Variants in RGS8 observed in about 807,000 individuals in gnomAD.
RGS8 encodes regulator of G protein signaling 8, also known as regulator of G-protein signaling 8.
A neutral mutation model predicts 21.7 loss-of-function variants in RGS8; 8 were observed. That is an observed-to-expected ratio of 0.37 (90% CI 0.22 to 0.66). RGS8 has a LOEUF of 0.66. Among genes scored for constraint, RGS8 ranks in the 30% least tolerant of loss-of-function variants. The pLI is 0.59. For missense variants in RGS8, 157 were observed against 217.9 expected (o/e 0.72, Z 1.76); for synonymous variants, 80 against 83.6 (o/e 0.96, Z 0.24).
chr1:182,730,734 G>A, the RGS8 span, among the ~76,000 whole-genome samples: 821 of 151,818 alleles, frequency 5.4e-3, 12 homozygotes, highest in African/African-American at 0.019. Context: ...AAAATTTAGA[G>A]TCCTTCCAGC....
chr1:182,699,209 A>G, the RGS8 span, among the ~76,000 whole-genome samples: 1 of 152,172 alleles, frequency 6.6e-6, no homozygotes, highest in Non-Finnish European at 1.5e-5. Context: ...CCACATCACC[A>G]CAGAGGCAGG....
chr1:182,749,501 AG>A, the RGS8 span, among the ~76,000 whole-genome samples: 3 of 152,176 alleles, frequency 2.0e-5, no homozygotes, highest in African/African-American at 7.2e-5. Context: ...AGGACTTTGT[AG>A]TATACTTTGA....
At chr1:182,675,853 T>A (rs935532689), upstream of RGS8, among the ~76,000 whole-genome samples, 1 of 152,206 alleles carries the variant, frequency 6.6e-6, no homozygotes, top group African/African-American at 2.4e-5. Flanking sequence ...GCCTCTCAAC[T>A]GACTGTGTGC....
chr1:182,692,459 G>A, the RGS8 span, among the ~76,000 whole-genome samples: 1 of 151,924 alleles, frequency 6.6e-6, no homozygotes, highest in East Asian at 1.9e-4. Context: ...AAACACTACT[G>A]AAAGAAATCA....
the RGS8 span, among the ~76,000 whole-genome samples, chr1:182,692,886 C>T: frequency 6.6e-6 from 1 of 152,240 alleles, no homozygotes; most frequent in South Asian, 2.1e-4. Context: ...GGAAAGGATT[C>T]CCTATTCAGT....
rs1264934230 is a variant in RGS8 at position 182,666,988 on chromosome 1, G to A, written c.27-15C>T. The A allele has an allele frequency of 1.3e-6, 2 of 1,595,896 alleles. No individual in the cohort carries two copies. Among genetic ancestry groups the A allele is most frequent in the South Asian group, 2.2e-5 (2 of 90,748 alleles). On this transcript the variant is annotated splice_polypyrimidine_tract_variant and intron_variant, in intron 3 of 6. Transcript: ENST00000483095. The stretch of plus-strand genomic sequence containing the variant: ...TCCCTTTGTTCCTGCAACAAGCACA[G>A]GGGCAGAAGGACGGGGAAACTCTCA...
chr1:182,680,274 T>G (rs1664497471), intron 1 of RGS8, among the ~76,000 whole-genome samples: 2 of 152,216 alleles, frequency 1.3e-5, no homozygotes, highest in South Asian at 4.1e-4. Context: ...AAGGTCTGGC[T>G]ACCTTGAGAG....
At chr1:182,737,992 G>A in the RGS8 span, among the ~76,000 whole-genome samples, 1 of 152,192 alleles carries the variant, frequency 6.6e-6, no homozygotes, top group African/African-American at 2.4e-5. Flanking sequence ...AGAGAATCCA[G>A]TAAAGCCATT....
chr1:182,701,703 G>A, the RGS8 span, among the ~76,000 whole-genome samples: 1 of 152,200 alleles, frequency 6.6e-6, no homozygotes, highest in Admixed American at 6.5e-5. Flanking sequence ...AGTAGGCAGA[G>A]GCAAAGGAAT....
intron 5 of RGS8, among the ~76,000 whole-genome samples, chr1:182,653,944 C>T (rs550799410): frequency 2.0e-5 from 3 of 152,268 alleles, no homozygotes; most frequent in East Asian, 1.9e-4. Context: ...AAGATGGTAG[C>T]GCCTAGGAAA....
the RGS8 span, among the ~76,000 whole-genome samples, chr1:182,741,343 C>A: frequency 7.8e-6 from 1 of 128,338 alleles, no homozygotes; most frequent in African/African-American, 3.1e-5. Flanking sequence ...GACGGGGCGG[C>A]TGGCCGGGCG....
intron 5 of RGS8, among the ~76,000 whole-genome samples, chr1:182,657,728 C>A (rs928818014): frequency 1.3e-5 from 2 of 152,214 alleles, no homozygotes; most frequent in African/African-American, 4.8e-5. Context: ...GTCCTAATAG[C>A]ATCTGCTCCA....
chr1:182,688,303 C>G (rs76743116), upstream of RGS8, among the ~76,000 whole-genome samples: 5,494 of 152,316 alleles, frequency 0.036, 131 homozygotes, highest in Admixed American at 0.045. Flanking sequence ...CCAGTGCCCT[C>G]TGCAGTGCCT....
At chr1:182,672,996 T>A, upstream of RGS8, 1 of 756,116 alleles carries the variant, frequency 1.3e-6, no homozygotes, top group Non-Finnish European at 2.3e-6. Flanking sequence ...TCAGAAACTC[T>A]GGGGACAGTA....
chr1:182,644,722 G>A (rs537206901), downstream of RGS8: 2 of 152,352 alleles, frequency 1.3e-5, no homozygotes, highest in Non-Finnish European at 2.9e-5. Flanking sequence ...GGCAGCAGAT[G>A]CACATTTCAT....
the RGS8 span, among the ~76,000 whole-genome samples, chr1:182,717,022 T>C: frequency 1.3e-5 from 2 of 152,172 alleles, no homozygotes; most frequent in African/African-American, 4.8e-5. Flanking sequence ...GTAAAATACT[T>C]TACCCTATCC....
intron 5 of RGS8, among the ~76,000 whole-genome samples, chr1:182,648,728 C>T (rs1040036082): frequency 1.3e-5 from 2 of 151,092 alleles, no homozygotes; most frequent in Non-Finnish European, 3.0e-5. Context: ...GAGCGAGACT[C>T]CGTCTCAAAA....
chr1:182,722,932 C>T, the RGS8 span, among the ~76,000 whole-genome samples: 9 of 151,792 alleles, frequency 5.9e-5, 1 homozygote, highest in Admixed American at 3.9e-4. Flanking sequence ...GAGCCCAGAT[C>T]GCGCCACTGC....
At chr1:182,671,616 A>C (rs1262343513) in intron 2 of RGS8, 41 bp downstream of exon 3, 1 of 1,556,904 alleles carries the variant, frequency 6.4e-7, no homozygotes, top group Non-Finnish European at 8.9e-7. Context: ...GTGCACACAG[A>C]CACCCCGGAG....
Sources: allele counts gnomAD v4.1 joint callset (sites outside exome capture counted in the v4.1 genomes callset), GRCh38; gene constraint gnomAD v4.1.1; transcripts MANE v1.5; gene names NCBI Gene and HGNC (gene_info 2026-07-23, HGNC 2026-07-21).